Variants in GDA observed in about 807,000 individuals in gnomAD.
GDA encodes guanine deaminase, also known as cytoplasmic PSD-95 interactor.
Under a neutral mutation model 59.6 loss-of-function variants are expected in GDA, and 18 were observed. The observed-to-expected ratio is 0.30, with a 90% CI of 0.21 to 0.45. The LOEUF is 0.45. GDA is among the 20% of genes least tolerant of loss of function. The probability of loss-of-function intolerance (pLI) is 1.00; values close to 1 mark genes in which losing one functional copy is unlikely to be tolerated. For synonymous variants in GDA, 201 were observed against 201.1 expected (o/e 1.00, Z 0.00); for missense variants, 427 against 552.3 (o/e 0.77, Z 2.27).
At chr9:72,229,872 C>T (rs769588240) in intron 9 of GDA, among the ~76,000 whole-genome samples, 1 of 152,180 alleles carries the variant, frequency 6.6e-6, no homozygotes, top group Admixed American at 6.5e-5. Context: ...AGGAGTGACA[C>T]AGGGAATCTT....
At chr9:72,226,489 G>T (rs921334247) in intron 8 of GDA, among the ~76,000 whole-genome samples, 1 of 152,138 alleles carries the variant, frequency 6.6e-6, no homozygotes, top group African/African-American at 2.4e-5. Context: ...TACTCTGAGA[G>T]TGCTTTTAAA....
chr9:72,225,646 G>A (rs886981396), intron 7 of GDA, 31 bp from the exon 8 acceptor site: 2 of 1,027,074 alleles, frequency 1.9e-6, no homozygotes, highest in Non-Finnish European at 3.0e-6. Flanking sequence ...TTTTACAGAA[G>A]AAAAATGAAA....
At chr9:72,189,166 C>CT (rs71493640) in intron 1 of GDA, among the ~76,000 whole-genome samples, 1,900 of 54,846 alleles carry the variant, frequency 0.035, 618 homozygotes, top group African/African-American at 0.075. Flanking sequence ...AGACTCTAGA[C>CT]TTTTTTTTTT....
chr9:72,168,891 A>G (rs1284881417), intron 1 of GDA, among the ~76,000 whole-genome samples: 1 of 152,178 alleles, frequency 6.6e-6, no homozygotes, highest in Non-Finnish European at 1.5e-5. Context: ...TATAATCCAC[A>G]TGGTCTGACT....
intron 1 of GDA, among the ~76,000 whole-genome samples, chr9:72,181,325 A>G (rs1310798909): frequency 6.6e-6 from 1 of 151,852 alleles, no homozygotes; most frequent in African/African-American, 2.4e-5. Flanking sequence ...CCTTACTTTT[A>G]CTTATACTTT....
At chr9:72,164,316 G>A (rs1392832416) in intron 1 of GDA, among the ~76,000 whole-genome samples, 2 of 152,174 alleles carry the variant, frequency 1.3e-5, no homozygotes, top group African/African-American at 2.4e-5. Flanking sequence ...GGCAAGAGAT[G>A]GGGATACTTC....
Position 72,248,351 on chromosome 9 carries a change from G to A in GDA, c.*9G>A, listed in dbSNP as rs767210960. On this transcript the variant is annotated 3_prime_UTR_variant, in exon 14 of 14. Transcript: ENST00000358399. ...TTTCCAGCTCAGTGTAAGACCCTCG[G>A]GCGTCTACAAAGTTCTCCTGGGATT... 6.2e-7 allele frequency: 1 copy of A among 1,613,276 alleles called. No individual in the cohort carries two copies.
chr9:72,206,180 A>C (rs1214340441), intron 3 of GDA, among the ~76,000 whole-genome samples: 2 of 152,056 alleles, frequency 1.3e-5, no homozygotes, highest in Admixed American at 1.3e-4. Context: ...AGAAGACTGC[A>C]TTTTCTCTGT....
intron 11 of GDA, among the ~76,000 whole-genome samples, chr9:72,243,227 C>T (rs1422465580): frequency 2.0e-5 from 3 of 152,210 alleles, no homozygotes; most frequent in Admixed American, 1.3e-4. Flanking sequence ...ATTTGAGTCA[C>T]TTACCAGCCC....
At chr9:72,240,522 T>A (rs1411547826) in intron 10 of GDA, among the ~76,000 whole-genome samples, 1 of 152,188 alleles carries the variant, frequency 6.6e-6, no homozygotes, top group Non-Finnish European at 1.5e-5. Context: ...CCCTAAAAGA[T>A]GTCTATCAGA....
intron 1 of GDA, among the ~76,000 whole-genome samples, chr9:72,130,426 A>T (rs137983791): frequency 6.6e-6 from 1 of 152,242 alleles, no homozygotes; most frequent in South Asian, 2.1e-4. Flanking sequence ...CTTACAAAAA[A>T]GTGACCATTA....
intron 3 of GDA, among the ~76,000 whole-genome samples, chr9:72,207,988 G>C (rs1834924520): frequency 6.6e-6 from 1 of 152,054 alleles, no homozygotes; most frequent in South Asian, 2.1e-4. Flanking sequence ...TGTAGTCCCT[G>C]CTACTTGGGA....
intron 1 of GDA, among the ~76,000 whole-genome samples, chr9:72,138,108 G>A (rs1826310108): frequency 6.6e-6 from 1 of 152,064 alleles, no homozygotes; most frequent in African/African-American, 2.4e-5. Context: ...CCCCGAGTCT[G>A]CTTTTGGCTT....
Position 72,208,781 on chromosome 9 carries a change from T to C in GDA, c.385-1906T>C, listed in dbSNP as rs531121627. Among the ~76,000 whole-genome samples, 17 of 152,346 alleles carry C rather than the reference T, an allele frequency of 1.1e-4. No homozygotes were observed. The East Asian group carries it at 3.3e-3, about 29-fold the overall frequency. On this transcript the variant is annotated intron_variant, in intron 3 of 13. Transcript: ENST00000358399. ...ATTATATGTTAAAAATAACTCCTGT[T>C]GTGACAAACAACTTATATGTACTTG... is the stretch of plus-strand genomic sequence containing the variant.
chr9:72,181,371 GC>G (rs869230740), intron 1 of GDA, among the ~76,000 whole-genome samples: 1 of 145,936 alleles, frequency 6.9e-6, no homozygotes. Context: ...TGTTGCTTAG[GC>G]TGGAGTGCAG....
intron 1 of GDA, among the ~76,000 whole-genome samples, chr9:72,142,832 G>A (rs898899909): frequency 2.6e-5 from 4 of 151,626 alleles, no homozygotes; most frequent in Non-Finnish European, 2.9e-5. Context: ...GCAATGGCGC[G>A]ATCTTGGCTC....
chr9:72,200,293 GCCT>G (rs1833823329), intron 2 of GDA, among the ~76,000 whole-genome samples: 1 of 152,084 alleles, frequency 6.6e-6, no homozygotes. Flanking sequence ...ACCGTGCCCA[GCCT>G]CCTCTCCTTC....
At chr9:72,220,473 G>A (rs1053432531) in intron 6 of GDA, among the ~76,000 whole-genome samples, 9 of 151,958 alleles carry the variant, frequency 5.9e-5, no homozygotes, top group South Asian at 2.1e-4. Context: ...ACTAAATTTC[G>A]TCAGGCAGGT....
In GDA at chr9:72,134,357, ACT is replaced by A. The variant is rs1195691375; in HGVS notation, c.-100+19528_-100+19529del. ...GAAACCTAAATTTGTATTTCTGAAA[ACT>A]CTCCATAAAACCTACTGTGCTCCAG... On this transcript the variant is annotated intron_variant, in intron 1 of 13. Coordinates refer to the GDA transcript ENST00000545168. Among the ~76,000 whole-genome samples, 8 of 151,180 alleles carry A rather than the reference ACT, an allele frequency of 5.3e-5. No homozygotes were observed. The East Asian group carries it at 1.2e-3, about 22-fold the overall frequency.
Sources: gnomAD v4.1 joint callset for allele counts (sites outside exome capture counted in the v4.1 genomes callset) on GRCh38, gnomAD v4.1.1 for gene constraint, MANE v1.5 for transcripts, NCBI Gene and HGNC (gene_info 2026-07-23, HGNC 2026-07-21) for gene names.